The following NPIPB2 variants were observed in gnomAD, a reference collection of about 807,000 sequenced individuals.
NPIPB2 encodes nuclear pore complex interacting protein family member B2, also known as nuclear pore complex-interacting protein family member B2.
In NPIPB2, 27 loss-of-function variants were observed where a neutral mutation model predicts 30.8. The observed-to-expected ratio is 0.88, with a 90% CI of 0.65 to 1.21. The LOEUF (loss-of-function observed/expected upper bound fraction) is 1.21, where lower values mean the gene tolerates loss of function less well. Among genes scored for constraint, NPIPB2 ranks in the 50% most tolerant of loss-of-function variants. The pLI, the probability that NPIPB2 is intolerant of heterozygous loss-of-function variation, is 0.00. For missense variants in NPIPB2, 440 were observed against 446.2 expected (o/e 0.99, Z 0.13); for synonymous variants, 147 against 162.0 (o/e 0.91, Z 0.70).
At chr16:11,967,398 T>C (rs140621666) in intron 1 of NPIPB2, among the ~76,000 whole-genome samples, 66 of 152,260 alleles carry the variant, frequency 4.3e-4, no homozygotes, top group African/African-American at 1.5e-3. Flanking sequence ...CGTGGGAGGA[T>C]TGCTTGAGCC....
intron 1 of NPIPB2, among the ~76,000 whole-genome samples, chr16:11,976,067 G>C (rs1408875108): frequency 6.6e-6 from 1 of 151,996 alleles, no homozygotes; most frequent in African/African-American, 2.4e-5. Flanking sequence ...CCTAGAATTA[G>C]GCAGAAAAGC....
At chr16:11,963,670 A>C (rs929324096) in intron 1 of NPIPB2, among the ~76,000 whole-genome samples, 8 of 152,092 alleles carry the variant, frequency 5.3e-5, no homozygotes, top group African/African-American at 1.9e-4. Context: ...ATTTCCTCAA[A>C]TTTTAATTGA....
At chr16:11,956,906 G>C (rs926854133) in intron 1 of NPIPB2, among the ~76,000 whole-genome samples, 14 of 152,196 alleles carry the variant, frequency 9.2e-5, no homozygotes, top group African/African-American at 2.9e-4. Context: ...CCCCCAGGAG[G>C]GCTCCACAGC....
chr16:11,954,788 G>C (rs1240520441), intron 1 of NPIPB2, among the ~76,000 whole-genome samples: 1 of 150,986 alleles, frequency 6.6e-6, no homozygotes. Context: ...GGAGCCTGTA[G>C]TCCCAGCTAC....
In NPIPB2 at chr16:11,940,926, G is replaced by A. The variant is rs1340437169; in HGVS notation, c.63+1057C>T. Among the ~76,000 whole-genome samples, 3 of 149,688 alleles carry A rather than the reference G, an allele frequency of 2.0e-5. No homozygotes were observed. The East Asian group carries it at 6.0e-4, about 30-fold the overall frequency. ...GGGCCCAAGCGATCCTCCCACCTCA[G>A]CCTCTCCAGTAACTGGGATAACAGG... is the stretch of plus-strand genomic sequence containing the variant. On this transcript the variant is annotated intron_variant, in intron 1 of 7. Coordinates refer to ENST00000399147, the Ensembl canonical transcript of NPIPB2.
intron 2 of NPIPB2, among the ~76,000 whole-genome samples, chr16:11,936,281 G>C (rs2054866796): frequency 2.0e-5 from 3 of 151,798 alleles, no homozygotes; most frequent in African/African-American, 7.2e-5. Context: ...TCCAGCCTGG[G>C]CAACAGAGGG....
chr16:11,941,920 G>T, intron 1 of NPIPB2, 63 bp downstream of exon 1: 5 of 1,013,812 alleles, frequency 4.9e-6, no homozygotes, highest in Admixed American at 4.0e-5. Context: ...GTTCCTCAAG[G>T]TCACTTTTGG....
chr16:11,958,541 G>A (rs1361211483), intron 1 of NPIPB2, among the ~76,000 whole-genome samples: 1 of 151,998 alleles, frequency 6.6e-6, no homozygotes, highest in Non-Finnish European at 1.5e-5. Flanking sequence ...ACCAGCCTGG[G>A]CAACACAGCA....
intron 1 of NPIPB2, among the ~76,000 whole-genome samples, chr16:11,961,490 C>T (rs1402136423): frequency 6.6e-6 from 1 of 151,788 alleles, no homozygotes; most frequent in Non-Finnish European, 1.5e-5. Context: ...TTTAAAAATA[C>T]AAAAAGAGGC....
intron 1 of NPIPB2, among the ~76,000 whole-genome samples, chr16:11,975,559 T>C (rs974670546): frequency 2.0e-5 from 3 of 151,754 alleles, no homozygotes; most frequent in African/African-American, 7.3e-5. Context: ...CTGCCCCCAT[T>C]ATAATTCATT....
intron 1 of NPIPB2, among the ~76,000 whole-genome samples, chr16:11,965,979 C>T (rs879376436): frequency 1.3e-5 from 2 of 152,002 alleles, no homozygotes; most frequent in Admixed American, 1.3e-4. Flanking sequence ...GGCATGGTGG[C>T]ACAGGTCTGT....
upstream of NPIPB2, among the ~76,000 whole-genome samples, chr16:11,946,821 C>T (rs987664347): frequency 3.3e-5 from 5 of 151,932 alleles, no homozygotes; most frequent in African/African-American, 1.2e-4. Flanking sequence ...TATGTTTACA[C>T]AAAGTAACAT....
intron 1 of NPIPB2, among the ~76,000 whole-genome samples, chr16:11,972,252 G>C (rs2662833): frequency 6.6e-6 from 1 of 152,196 alleles, no homozygotes; most frequent in African/African-American, 2.4e-5. Flanking sequence ...GCAGGCTTCA[G>C]AAAATAGATT....
chr16:11,959,472 C>T (rs1316072684), intron 1 of NPIPB2, among the ~76,000 whole-genome samples: 3 of 151,976 alleles, frequency 2.0e-5, no homozygotes, highest in Non-Finnish European at 4.4e-5. Context: ...CTATCGTAGT[C>T]CTAGCTACCT....
chr16:11,969,446 A>G (rs1283487658), intron 1 of NPIPB2, among the ~76,000 whole-genome samples: 1 of 151,344 alleles, frequency 6.6e-6, no homozygotes, highest in Non-Finnish European at 1.5e-5. Flanking sequence ...TAGTAGAGAC[A>G]GGGTTTCACC....
chr16:11,960,609 C>T (rs1349462992), intron 1 of NPIPB2, among the ~76,000 whole-genome samples: 1 of 152,082 alleles, frequency 6.6e-6, no homozygotes, highest in East Asian at 1.9e-4. Context: ...CCGCCCTCCT[C>T]AGCCTCCCAA....
At chr16:11,936,995 T>C (rs1344387243) in intron 2 of NPIPB2, among the ~76,000 whole-genome samples, 1 of 151,958 alleles carries the variant, frequency 6.6e-6, no homozygotes, top group Non-Finnish European at 1.5e-5. Flanking sequence ...GCTGCCCCTC[T>C]AAATGGCCTA....
At chr16:11,954,431 T>C (rs1213270150) in intron 1 of NPIPB2, among the ~76,000 whole-genome samples, 2 of 150,736 alleles carry the variant, frequency 1.3e-5, no homozygotes, top group Admixed American at 6.6e-5. Context: ...TGAGTTATGA[T>C]TGCACCACTG....
intron 1 of NPIPB2, chr16:11,941,172 G>A: frequency 2.0e-6 from 3 of 1,512,278 alleles, no homozygotes; most frequent in South Asian, 2.4e-5. Context: ...TACTCACACA[G>A]GTGGACTGAT....
Sources: gnomAD v4.1 joint callset for allele counts (sites outside exome capture counted in the v4.1 genomes callset) on GRCh38, gnomAD v4.1.1 for gene constraint, MANE v1.5 for transcripts, NCBI Gene and HGNC (gene_info 2026-07-23, HGNC 2026-07-21) for gene names.